SEPTIN11: variants seen among roughly 807,000 people sequenced by gnomAD.
The protein encoded by SEPTIN11 is septin 11, also known as septin-11.
A neutral mutation model predicts 51.4 loss-of-function variants in SEPTIN11; 25 were observed. The ratio of observed to expected loss-of-function variants is 0.49; its 90% CI spans 0.35 to 0.68. The LOEUF (loss-of-function observed/expected upper bound fraction) is 0.68, where lower values mean the gene tolerates loss of function less well. Among genes scored for constraint, SEPTIN11 ranks in the 30% least tolerant of loss-of-function variants. The pLI, the probability that SEPTIN11 is intolerant of heterozygous loss-of-function variation, is 0.00. For synonymous variants in SEPTIN11, 174 were observed against 184.1 expected (o/e 0.95, Z 0.44); for missense variants, 381 against 520.8 (o/e 0.73, Z 2.61).
At chr4:77,029,376 T>C in intron 8 of SEPTIN11, among the ~76,000 whole-genome samples, 1 of 152,198 alleles carries the variant, frequency 6.6e-6, no homozygotes, top group East Asian at 1.9e-4. Context: ...GTGTGCATAA[T>C]GTCTATTTCT....
intron 1 of SEPTIN11, 74 bp downstream of exon 1, chr4:76,950,004 C>A: frequency 7.6e-7 from 1 of 1,321,888 alleles, no homozygotes. Context: ...GCGGTGAGGA[C>A]CACAGGGGAG....
chr4:76,969,819 G>A (rs1722169110), intron 1 of SEPTIN11, among the ~76,000 whole-genome samples: 1 of 152,128 alleles, frequency 6.6e-6, no homozygotes, highest in African/African-American at 2.4e-5. Flanking sequence ...GCCCTTTTCT[G>A]ACTATTAGTT....
chr4:76,996,657 G>A, intron 2 of SEPTIN11, 118 bp downstream of exon 2: 2 of 731,838 alleles, frequency 2.7e-6, no homozygotes, highest in Non-Finnish European at 4.6e-6. Context: ...TCTTTCATCA[G>A]TAAAACAAGG....
At chr4:77,014,661 CAAAA>C (rs11323704) in intron 4 of SEPTIN11, among the ~76,000 whole-genome samples, 191 bp from the exon 5 acceptor site, 9 of 144,856 alleles carry the variant, frequency 6.2e-5, no homozygotes, top group African/African-American at 2.3e-4. Flanking sequence ...ATCTCTACCC[CAAAA>C]AAAAAAAAAA....
intron 1 of SEPTIN11, among the ~76,000 whole-genome samples, chr4:76,973,267 C>T (rs1722329128): frequency 6.6e-6 from 1 of 152,186 alleles, no homozygotes; most frequent in Admixed American, 6.5e-5. Flanking sequence ...TGCTACCCAC[C>T]AGGATGACAG....
intron 5 of SEPTIN11, among the ~76,000 whole-genome samples, chr4:77,015,421 T>C (rs903023612): frequency 2.6e-5 from 4 of 152,192 alleles, no homozygotes; most frequent in Non-Finnish European, 4.4e-5. Context: ...CTTTCTATTT[T>C]CCCTATACTT....
chr4:77,014,851 T>G lies in SEPTIN11; in HGVS notation c.526-5T>G. On this transcript the variant is annotated splice_region_variant and splice_polypyrimidine_tract_variant and intron_variant, in intron 4 of 9. Coordinates refer to ENST00000264893, the MANE Select transcript of SEPTIN11 (RefSeq NM_018243.4). ...TGTGTAAAAATGGACGTGTCTGTTT[T>G]ACAGGTGAACATCATTCCAATAATT... 2 of 1,613,590 alleles carry G rather than the reference T, an allele frequency of 1.2e-6. No homozygotes were observed. Among genetic ancestry groups the G allele is most frequent in the Non-Finnish European group, 1.7e-6 (2 of 1,179,792 alleles).
rs116411851 is a variant in SEPTIN11, at chr4:77,011,389, G to A, written c.339-346G>A. Among the ~76,000 whole-genome samples, 836 of 152,288 alleles carry A rather than the reference G, an allele frequency of 5.5e-3. 1 individual carries two copies. The highest frequency in any genetic ancestry group is 9.0e-3 in the Non-Finnish European group (611 of 68,024). On this transcript the variant is annotated intron_variant, in intron 3 of 9. Transcript: ENST00000264893. Reference sequence around the variant, plus strand: ...ACGGATACCCCTTGGGGGAGTGGCAGTCAGCTCCACGTATGTACAGTCTCT... The same window carrying A: ...ACGGATACCCCTTGGGGGAGTGGCAATCAGCTCCACGTATGTACAGTCTCT...
rs1722904563 is a variant in SEPTIN11, at chr4:76,984,010, G to GA, written c.28-12408dup. ...CGACAGAGCAAGACTCCATTTCAGG[G>GA]AAAAAAAGAAAAGAAAAAAAGAACT... is the stretch of plus-strand genomic sequence containing the variant. On this transcript the variant is annotated intron_variant, in intron 1 of 9. Coordinates refer to ENST00000264893, the MANE Select transcript of SEPTIN11 (RefSeq NM_018243.4). The surrounding 1 kb of genome is among the most constrained non-coding windows in gnomAD (Gnocchi z 4.1). Among the ~76,000 whole-genome samples the GA allele has an allele frequency of 6.6e-6, 1 of 151,758 alleles. No homozygotes were observed. Among genetic ancestry groups the GA allele is most frequent in the African/African-American group, 2.4e-5 (1 of 41,292 alleles).
Position 77,020,482 on chromosome 4 carries a change from A to G in SEPTIN11, c.785-20A>G, listed in dbSNP as rs770099122. The G allele has an allele frequency of 6.2e-7, 1 of 1,611,808 alleles. No individual in the cohort carries two copies. Among genetic ancestry groups the G allele is most frequent in the Non-Finnish European group, 8.5e-7 (1 of 1,178,932 alleles). Reference sequence around the variant, plus strand: ...CATCATTGCTAATCCCACTTCCGCCATTTCCCCCCTCTCTTGTAGTTGAGA... The same window carrying G: ...CATCATTGCTAATCCCACTTCCGCCGTTTCCCCCCTCTCTTGTAGTTGAGA... On this transcript the variant is annotated intron_variant, in intron 6 of 9. Coordinates refer to ENST00000264893, the MANE Select transcript of SEPTIN11 (RefSeq NM_018243.4).
chr4:77,013,398 C>T (rs547462105), intron 4 of SEPTIN11, among the ~76,000 whole-genome samples: 8 of 152,152 alleles, frequency 5.3e-5, no homozygotes, highest in South Asian at 4.1e-4. Context: ...CTTTCAAGTC[C>T]GGCTAGTGAG....
chr4:77,030,960 G>T lies in SEPTIN11; in HGVS notation c.1264G>T (p.Asp422Tyr), dbSNP rs1345157867. The change falls in exon 9 of 10, where the codon GAT becomes TAT. Residue 422 changes from aspartate to tyrosine, a missense_variant. This residue lies in a region of SEPTIN11 where 197 missense variants were observed against 313.1 expected (regional missense o/e 0.63). Transcript: ENST00000264893. ...GGCCCAGCAAACCAAGAAAGACAAG[G>T]ATAAGAAAAAGTAAGCAGGTGTCAC... ...SGAQQTKKDKDKKNASFT is the reference protein window; with the variant it reads ...SGAQQTKKDKYKKNASFT The T allele has an allele frequency of 6.2e-7, 1 of 1,601,850 alleles. No individual in the cohort carries two copies. Among genetic ancestry groups the T allele is most frequent in the Non-Finnish European group, 8.5e-7 (1 of 1,177,480 alleles).
At chr4:76,995,988 A>G in intron 1 of SEPTIN11, 5 of 1,491,204 alleles carry the variant, frequency 3.4e-6, no homozygotes, top group Non-Finnish European at 4.5e-6. Flanking sequence ...CTCCACTGTG[A>G]GCTTTTCAAA....
rs76931527 is a variant in SEPTIN11 at position 77,038,183 on chromosome 4, A to G, written c.*3671A>G. On this transcript the variant is annotated 3_prime_UTR_variant, in exon 10 of 10. Transcript: ENST00000264893. ...TCTTTAGTGGGAATTAAGACCTACA[A>G]AGTCTAGTTTGTATGTAGGTATGAA... The G allele has an allele frequency of 6.3e-3, 6,170 of 985,760 alleles. 22 individuals are homozygous for G. Among genetic ancestry groups the G allele is most frequent in the Non-Finnish European group, 6.8e-3 (5,662 of 829,822 alleles). 61.1% of individuals were successfully genotyped at this position (985,760 alleles called of 1,614,324 possible).
chr4:76,998,604 A>G (rs1723900923), intron 2 of SEPTIN11, among the ~76,000 whole-genome samples: 1 of 151,358 alleles, frequency 6.6e-6, no homozygotes, highest in African/African-American at 2.4e-5. Context: ...CCCAGTTAAG[A>G]CTCTCCCCCA....
chr4:77,031,709 A>G (rs1726648625), intron 9 of SEPTIN11: 1 of 152,226 alleles, frequency 6.6e-6, no homozygotes, highest in Admixed American at 6.5e-5. Context: ...CCTTTGAATC[A>G]TCATAAAGCC....
intron 6 of SEPTIN11, 22 bp from the exon 7 acceptor site, chr4:77,020,480 C>G: frequency 3.7e-6 from 6 of 1,611,558 alleles, no homozygotes; most frequent in Non-Finnish European, 5.1e-6. Context: ...CCCACTTCCG[C>G]CATTTCCCCC....
At chr4:77,031,026 AT>A in intron 9 of SEPTIN11, 56 bp downstream of exon 9, 1 of 1,482,274 alleles carries the variant, frequency 6.7e-7, no homozygotes, top group Non-Finnish European at 9.1e-7. Context: ...TTCCTCTTGC[AT>A]GTCTCTACTT....
Position 77,036,180 on chromosome 4 carries a change from T to C in SEPTIN11, c.*1668T>C. 1.0e-6 allele frequency: 1 copy of C among 987,540 alleles called. No individual in the cohort carries two copies. Among genetic ancestry groups the C allele is most frequent in the Non-Finnish European group, 1.2e-6 (1 of 831,388 alleles). 61.2% of individuals were successfully genotyped at this position (987,540 alleles called of 1,614,324 possible). The stretch of plus-strand genomic sequence containing the variant: ...TAAGGAAATTAGTTTCATGGAAGCC[T>C]AAACAAAGCTGGAATAGAAACTACA... On this transcript the variant is annotated 3_prime_UTR_variant, in exon 10 of 10. Transcript: ENST00000264893.
Sources: gnomAD v4.1 joint callset for allele counts (sites outside exome capture counted in the v4.1 genomes callset) on GRCh38, gnomAD v4.1.1 for gene constraint, gnomAD v4.1.1 regional missense constraint, Gnocchi (gnomAD v3.1) non-coding constraint, MANE v1.5 for transcripts, NCBI Gene and HGNC (gene_info 2026-07-23, HGNC 2026-07-21) for gene names.